The following MEG3 variants were observed in gnomAD, a reference collection of about 807,000 sequenced individuals.
MEG3 encodes the protein Very putative protein from MEG3 locus.
exon 1 of MEG3, chr14:100,834,310 G>C: frequency 5.0e-6 from 1 of 201,004 alleles, no homozygotes; most frequent in Non-Finnish European, 1.0e-5. Context: ...CAAAGCCACT[G>C]TTAGTGCTGC....
At chr14:100,830,018 G>A (rs570807809), downstream of MEG3, 26 of 152,300 alleles carry the variant, frequency 1.7e-4, no homozygotes, top group African/African-American at 6.3e-4. Flanking sequence ...TAAAGAAACA[G>A]AAACTTGCTG....
At chr14:100,844,706 C>T (rs1208814300) in intron 2 of MEG3, among the ~76,000 whole-genome samples, 1 of 152,174 alleles carries the variant, frequency 6.6e-6, no homozygotes, top group Non-Finnish European at 1.5e-5. Context: ...ACAAATGTGT[C>T]ATGATACGTG....
intron 2 of MEG3, among the ~76,000 whole-genome samples, chr14:100,838,029 TGGA>T (rs1320095561): frequency 1.3e-5 from 2 of 152,086 alleles, no homozygotes; most frequent in Admixed American, 6.5e-5. Context: ...CACAGTGATG[TGGA>T]GAAGAGGCCC....
chr14:100,854,352 C>T (rs1262469959), upstream of MEG3: 13 of 152,168 alleles, frequency 8.5e-5, no homozygotes, highest in Admixed American at 8.5e-4. Flanking sequence ...AGAGACTGGT[C>T]CCAGATGTCC....
rs143463297 is a variant in MEG3, at chr14:100,844,124, C to G, written n.3046-1334C>G. Among the ~76,000 whole-genome samples, 225 of 152,280 alleles carry G rather than the reference C, an allele frequency of 1.5e-3. 4 individuals carry two copies. The highest frequency in any genetic ancestry group is 3.4e-3 in the Middle Eastern group (1 of 294). ...TGGGATGACAGGCATGAGCCACCCC[C>G]CTGGGGCTGGTACCTGTGGTCTGTG... On this transcript the variant is annotated intron_variant and non_coding_transcript_variant, in intron 2 of 3. Transcript: ENST00000398461.
intron 2 of MEG3, among the ~76,000 whole-genome samples, chr14:100,841,671 G>A (rs2037765538): frequency 6.6e-6 from 1 of 152,190 alleles, no homozygotes; most frequent in Admixed American, 6.5e-5. Flanking sequence ...CATTAGTGTG[G>A]GTCAGAGCTC....
upstream of MEG3, chr14:100,854,159 T>C (rs982626122): frequency 6.6e-6 from 1 of 152,268 alleles, no homozygotes; most frequent in Non-Finnish European, 1.5e-5. Flanking sequence ...TGTTCAGCAA[T>C]GTATGACCAC....
rs557246199 is a variant in MEG3 at position 100,828,237 on chromosome 14, C to T, written n.372-471C>T. On this transcript the variant is annotated intron_variant and non_coding_transcript_variant, in intron 1 of 2. Coordinates refer to ENST00000556407, the Ensembl canonical transcript of MEG3. Reference sequence around the variant, plus strand: ...GGTTACGGGTGCGGGCCGCGCGCCCCCTAGCGGTGTGTGCCAGCCCCGCTA... The same window carrying T: ...GGTTACGGGTGCGGGCCGCGCGCCCTCTAGCGGTGTGTGCCAGCCCCGCTA... Among the ~76,000 whole-genome samples, 4 of 152,002 alleles carry T rather than the reference C, an allele frequency of 2.6e-5. No individual in the cohort carries two copies. In the South Asian group the frequency reaches 6.2e-4, roughly 24 times the overall value.
rs1192310971 is a variant in MEG3 at position 100,837,117 on chromosome 14, C to T, written n.3045+817C>T. Among the ~76,000 whole-genome samples the T allele has an allele frequency of 1.3e-5, 2 of 152,198 alleles. No homozygotes were observed. The highest frequency in any genetic ancestry group is 6.5e-5 in the Admixed American group (1 of 15,292). The stretch of plus-strand genomic sequence containing the variant: ...GTCTACTTGGGTGCCGTGGAGCACC[C>T]ATGCAGCAAGGTGGCTTGCACAGCA... On this transcript the variant is annotated intron_variant and non_coding_transcript_variant, in intron 2 of 3. Coordinates refer to the MEG3 transcript ENST00000398461. This position sits in a 1 kb window ranked among gnomAD's most constrained non-coding sequence, Gnocchi z 5.8.
chr14:100,858,971 G>C (rs2038322595), exon 1 of MEG3: 1 of 152,464 alleles, frequency 6.6e-6, no homozygotes, highest in Non-Finnish European at 1.5e-5. Flanking sequence ...GGCACCTAGT[G>C]TCCCTTGGAG....
intron 2 of MEG3, among the ~76,000 whole-genome samples, chr14:100,836,567 A>G (rs1012753540): frequency 6.8e-6 from 1 of 147,452 alleles, no homozygotes; most frequent in Non-Finnish European, 1.5e-5. Flanking sequence ...GTCCACCTCC[A>G]CTCTAGACCC....
chr14:100,837,707 T>TC lies in MEG3; in HGVS notation n.3045+1408dup, dbSNP rs3837591. On this transcript the variant is annotated intron_variant and non_coding_transcript_variant, in intron 2 of 3. Coordinates refer to the MEG3 transcript ENST00000398461. The surrounding 1 kb of genome is among the most constrained non-coding windows in gnomAD (Gnocchi z 5.8). ...AGTGTCTCTGGTTTCCGACGCAGCC[T>TC]CGTAATGCTCTTTAATCAAACAGAG... Among the ~76,000 whole-genome samples the TC allele has an allele frequency of 0.06, 9,098 of 151,924 alleles. 373 individuals are homozygous for TC. Among genetic ancestry groups the TC allele is most frequent in the East Asian group, 0.097 (497 of 5,110 alleles).
exon 1 of MEG3, chr14:100,834,381 G>A (rs1050172948): frequency 2.7e-5 from 7 of 258,498 alleles, no homozygotes; most frequent in South Asian, 9.4e-5. Flanking sequence ...GCTGGCCCCC[G>A]GCAGGTTCTC....
intron 1 of MEG3, among the ~76,000 whole-genome samples, chr14:100,827,123 G>T (rs1397451409): frequency 4.6e-5 from 7 of 152,076 alleles, no homozygotes; most frequent in Non-Finnish European, 1.0e-4. Context: ...CGTGGTGGTC[G>T]CTCGAAAATC....
chr14:100,842,016 G>T (rs1242853847), intron 2 of MEG3, among the ~76,000 whole-genome samples: 1 of 152,204 alleles, frequency 6.6e-6, no homozygotes, highest in Non-Finnish European at 1.5e-5. Flanking sequence ...TGCACTGGCT[G>T]CCCATCTTAG....
chr14:100,844,735 A>C (rs988893113), intron 2 of MEG3, among the ~76,000 whole-genome samples: 2 of 152,216 alleles, frequency 1.3e-5, no homozygotes, highest in Middle Eastern at 3.4e-3. Flanking sequence ...TGCTGAAGTC[A>C]CCTTTTCTTA....
upstream of MEG3, chr14:100,854,825 C>T (rs1217508589): frequency 2.0e-5 from 3 of 152,770 alleles, no homozygotes; most frequent in Non-Finnish European, 2.9e-5. Flanking sequence ...AGCAAATGTC[C>T]TCAGCCCTGG....
At chr14:100,855,856 G>A (rs530093929), upstream of MEG3, 29 of 152,376 alleles carry the variant, frequency 1.9e-4, no homozygotes, top group African/African-American at 7.0e-4. Flanking sequence ...TTGCGAGTTT[G>A]ATTGCCCCTC....
exon 1 of MEG3, chr14:100,857,346 T>TC (rs1414187961): frequency 1.3e-5 from 2 of 152,160 alleles, no homozygotes; most frequent in African/African-American, 4.8e-5. Context: ...AAGCCATAGG[T>TC]CACCTGAAAG....
Sources: gnomAD v4.1 joint callset for allele counts (sites outside exome capture counted in the v4.1 genomes callset) on GRCh38, gnomAD v4.1.1 for gene constraint, Gnocchi (gnomAD v3.1) non-coding constraint, MANE v1.5 for transcripts, NCBI Gene and HGNC (gene_info 2026-07-23, HGNC 2026-07-21) for gene names.